The following XIAP variants were observed in gnomAD, a reference collection of about 807,000 sequenced individuals.
The protein encoded by XIAP is E3 ubiquitin-protein ligase XIAP.
XIAP carries 3 observed loss-of-function variants against 33.1 expected under a neutral mutation model. The observed-to-expected ratio is 0.09, with a 90% confidence interval of 0.04 to 0.23. The LOEUF (loss-of-function observed/expected upper bound fraction) is 0.23. XIAP is among the 10% of genes least tolerant of loss of function. The pLI is 1.00. For missense variants in XIAP, 264 were observed against 363.0 expected, an observed-to-expected ratio of 0.73 and a Z score of 2.22; for synonymous variants, 98 against 121.3, an observed-to-expected ratio of 0.81 and a Z score of 1.26.
chrX:123,875,893 C>A (rs2053239760), intron 1 of XIAP, among the ~76,000 whole-genome samples: 1 of 111,802 alleles, frequency 8.9e-6, no homozygotes, highest in Admixed American at 9.6e-5. Flanking sequence ...ACCATGTTGG[C>A]CAGGCTGGTC....
In XIAP at chrX:123,913,724, TC is replaced by T. The variant is rs745767466; in HGVS notation, c.*6544del. 1.2e-5 allele frequency: 4 copies of T among 321,907 alleles called. No homozygotes were observed. Among genetic ancestry groups the T allele is most frequent in the Admixed American group, 6.5e-5 (2 of 30,660 alleles). The allele number at this position is 321,907 out of a possible 1,213,427, so 26.5% of individuals were successfully genotyped here. A position where few individuals can be genotyped will look rare whatever the true frequency, so the allele number is the denominator to read the frequency against. Reference sequence around the variant, plus strand: ...ATTTATGTTAGATTTTGCATTTTTTTCATTACTGTTATATTTTAACCTGACT... The same window carrying T: ...ATTTATGTTAGATTTTGCATTTTTTTATTACTGTTATATTTTAACCTGACT... On this transcript the variant is annotated 3_prime_UTR_variant, in exon 7 of 7. Transcript: ENST00000371199.
chrX:123,880,666 G>A (rs1426833635), intron 1 of XIAP, among the ~76,000 whole-genome samples: 1 of 105,789 alleles, frequency 9.5e-6, no homozygotes, highest in Non-Finnish European at 1.9e-5. Context: ...GGACCTGGGA[G>A]GCGGAGGTTG....
intron 1 of XIAP, among the ~76,000 whole-genome samples, chrX:123,880,332 G>A (rs762624164): frequency 9.5e-6 from 1 of 105,484 alleles, no homozygotes; most frequent in South Asian, 4.3e-4. Context: ...AATCACTTGA[G>A]CTCAAGAGGC....
chrX:123,882,581 T>C (rs1485159725), intron 1 of XIAP, among the ~76,000 whole-genome samples: 1 of 112,299 alleles, frequency 8.9e-6, no homozygotes, highest in Non-Finnish European at 1.9e-5. Flanking sequence ...TAATATCCCT[T>C]GGTAGCTGAA....
chrX:123,880,067 T>C lies in XIAP; in HGVS notation c.-32-5564T>C, dbSNP rs1371306197. Among the ~76,000 whole-genome samples the C allele has an allele frequency of 2.7e-5, 3 of 109,605 alleles. No homozygotes were observed. In the East Asian group the frequency reaches 8.7e-4, roughly 32 times the overall value. ...AGGCGGAGGTTGCAGTGAGCCGAGA[T>C]TGCGCCACTGCACTCCAGCCTGGGC... On this transcript the variant is annotated intron_variant, in intron 1 of 6. Transcript: ENST00000371199.
rs397713705 is a variant in XIAP, at chrX:123,911,477, C to CA, written c.*4309dup. 68,743 of 233,182 alleles carry CA rather than the reference C, an allele frequency of 0.29. 6,384 individuals are homozygous for CA. The highest frequency in any genetic ancestry group is 0.5 in the African/African-American group (14,782 of 29,595). 19.2% of individuals were successfully genotyped at this position (233,182 alleles called of 1,213,427 possible). A position where few individuals can be genotyped will look rare whatever the true frequency, so the allele number is the denominator to read the frequency against. On this transcript the variant is annotated 3_prime_UTR_variant, in exon 7 of 7. Coordinates refer to ENST00000371199, the MANE Select transcript of XIAP (RefSeq NM_001167.4). ...GGGCAACAAGAGCAAAACTCTGTCT[C>CA]AAAAAAAAAAAAAGATATAAATCAC... is the stretch of plus-strand genomic sequence containing the variant.
At chrX:123,893,438 G>A (rs1376740434) in intron 5 of XIAP, among the ~76,000 whole-genome samples, 1 of 110,365 alleles carries the variant, frequency 9.1e-6, no homozygotes, top group Non-Finnish European at 1.9e-5. Context: ...CAGGAGAATT[G>A]CCTGGCCTGA....
intron 6 of XIAP, among the ~76,000 whole-genome samples, chrX:123,903,270 C>A (rs2053530517): frequency 9.7e-6 from 1 of 103,427 alleles, no homozygotes; most frequent in Non-Finnish European, 2.0e-5. Context: ...CTCACTGCAA[C>A]CTCCACCTCC....
chrX:123,876,158 C>T (rs2053242296), intron 1 of XIAP, among the ~76,000 whole-genome samples: 1 of 111,124 alleles, frequency 9.0e-6, no homozygotes, highest in Admixed American at 9.7e-5. Flanking sequence ...AGTGATTCTC[C>T]CGCCTTAACC....
chrX:123,881,877 C>T (rs1182043142), intron 1 of XIAP, among the ~76,000 whole-genome samples: 1 of 109,749 alleles, frequency 9.1e-6, no homozygotes, highest in Non-Finnish European at 1.9e-5. Context: ...CCTTGGCCTC[C>T]CAAGTAGCTG....
At chrX:123,898,533 T>C (rs1386204870) in intron 5 of XIAP, among the ~76,000 whole-genome samples, 10 of 110,174 alleles carry the variant, frequency 9.1e-5, no homozygotes, top group African/African-American at 3.3e-4. Flanking sequence ...CGGGTAATTT[T>C]TTTTTTTATT....
In XIAP at chrX:123,909,764, GTTTAT is replaced by G. The variant is rs897818789; in HGVS notation, c.*2588_*2592del. ...TGCACAACGCTGATGTGGCTAACAA[GTTTAT>G]TTTAAGAATTGTTTAGAAATGCTGT... On this transcript the variant is annotated 3_prime_UTR_variant, in exon 7 of 7. Coordinates refer to ENST00000371199, the MANE Select transcript of XIAP (RefSeq NM_001167.4). The G allele has an allele frequency of 5.5e-5, 18 of 327,831 alleles. No homozygotes were observed. Among genetic ancestry groups the G allele is most frequent in the Non-Finnish European group, 1.1e-4 (18 of 169,737 alleles). 27.0% of individuals were successfully genotyped at this position (327,831 alleles called of 1,213,427 possible).
chrX:123,885,053 CA>C (rs3042397), intron 1 of XIAP, among the ~76,000 whole-genome samples: 2 of 110,140 alleles, frequency 1.8e-5, no homozygotes, highest in African/African-American at 3.3e-5. Context: ...CCAGTTACAA[CA>C]AAAAAAGGGC....
chrX:123,897,864 G>A lies in XIAP; in HGVS notation c.1100-2629G>A, dbSNP rs750034034. ...GTGAGCCACTGTGCCCAGCTGGAAA[G>A]ACCATTTTTCAGAAGGGTCGATGAG... On this transcript the variant is annotated intron_variant, in intron 5 of 6. Coordinates refer to ENST00000371199, the MANE Select transcript of XIAP (RefSeq NM_001167.4). Among the ~76,000 whole-genome samples the A allele has an allele frequency of 9.8e-5, 11 of 112,572 alleles. No individual in the cohort carries two copies. In the East Asian group the frequency reaches 2.5e-3, roughly 26 times the overall value.
At chrX:123,878,261 A>G (rs1007378593) in intron 1 of XIAP, among the ~76,000 whole-genome samples, 23 of 97,967 alleles carry the variant, frequency 2.3e-4, no homozygotes, top group African/African-American at 7.8e-4. Context: ...TTTATATACC[A>G]TAAGATCCAT....
intron 6 of XIAP, among the ~76,000 whole-genome samples, chrX:123,903,535 GGCTGTT>G (rs1195796325): frequency 9.2e-6 from 1 of 108,750 alleles, no homozygotes; most frequent in African/African-American, 3.4e-5. Context: ...AGTACAGATG[GGCTGTT>G]GCCTAGGATC....
intron 1 of XIAP, among the ~76,000 whole-genome samples, chrX:123,867,671 CTTTTTT>C (rs747177182): frequency 4.5e-5 from 3 of 66,922 alleles, no homozygotes; most frequent in Non-Finnish European, 8.0e-5. Flanking sequence ...CGTACCTGGC[CTTTTTT>C]TTTTTTTTTT....
At chrX:123,860,650 G>A (rs771977838) in intron 1 of XIAP, 20 of 153,720 alleles carry the variant, frequency 1.3e-4, no homozygotes, top group Admixed American at 1.0e-3. Flanking sequence ...TGTCTGGAGA[G>A]GGCATATGAA....
In XIAP at chrX:123,911,630, A is replaced by G. The variant is rs1050144291; in HGVS notation, c.*4449A>G. On this transcript the variant is annotated 3_prime_UTR_variant, in exon 7 of 7. Coordinates refer to ENST00000371199, the MANE Select transcript of XIAP (RefSeq NM_001167.4). ...GAATTTGAGGCAGCAGTGAGCTATG[A>G]TTGTGCCACTGTACTCCAGTCTGGG... 15 of 322,635 alleles carry G rather than the reference A, an allele frequency of 4.6e-5. No homozygotes were observed. Among genetic ancestry groups the G allele is most frequent in the Non-Finnish European group, 7.8e-5 (13 of 167,725 alleles). The allele number at this position is 322,635 out of a possible 1,213,427, so 26.6% of individuals were successfully genotyped here.
Sources: allele counts gnomAD v4.1 joint callset (sites outside exome capture counted in the v4.1 genomes callset), GRCh38; gene constraint gnomAD v4.1.1; transcripts MANE v1.5; gene names NCBI Gene and HGNC (gene_info 2026-07-23, HGNC 2026-07-21).